Variants in ITGA4 observed in about 807,000 individuals in gnomAD.
The protein encoded by ITGA4 is integrin subunit alpha 4.
ITGA4 carries 63 observed loss-of-function variants against 133.6 expected under a neutral mutation model. The ratio of observed to expected loss-of-function variants is 0.47; its 90% CI spans 0.38 to 0.58. The LOEUF (loss-of-function observed/expected upper bound fraction) is 0.58. Among genes scored for constraint, ITGA4 ranks in the 20% least tolerant of loss-of-function variants. The probability of loss-of-function intolerance (pLI) is 0.00; values close to 1 mark genes in which losing one functional copy is unlikely to be tolerated. For missense variants in ITGA4, 1,076 were observed against 1,252.7 expected, an observed-to-expected ratio of 0.86 and a Z score of 2.13; for synonymous variants, 483 against 438.0, an observed-to-expected ratio of 1.10 and a Z score of -1.28.
chr2:181,483,503 T>C (rs989144201), intron 9 of ITGA4, among the ~76,000 whole-genome samples: 6 of 152,218 alleles, frequency 3.9e-5, no homozygotes, highest in Non-Finnish European at 5.9e-5. Context: ...GTAACTATGT[T>C]CAGTCAATGG....
rs765885636 is a variant in ITGA4 at position 181,458,317 on chromosome 2, G to C, written c.319G>C (p.Gly107Arg). The C allele has an allele frequency of 1.9e-6, 3 of 1,610,262 alleles. No homozygotes were observed. The African/African-American group carries it at 4.0e-5, about 22-fold the overall frequency. Residue 107 changes from glycine (G) to arginine (R), a missense_variant and splice_region_variant, in exon 2 of 28, where the codon GGT (glycine) becomes CGT (arginine). Gly to Arg is a moderately radical substitution (Grantham distance 125, BLOSUM62 -2). This residue lies in a region of ITGA4 where 436 missense variants were observed against 590.7 expected (regional missense o/e 0.74). Coordinates refer to ENST00000397033, the MANE Select transcript of ITGA4 (RefSeq NM_000885.6). The part of the protein sequence containing the change: ...PGQTCEQLQL[G>R]SPNGEPCGKT... ...CCAGACGTGCGAACAGCTCCAGCTG[G>C]GTGAGTTGGGTATGGGACCAGGAGT...
intron 22 of ITGA4, 64 bp downstream of exon 22, chr2:181,527,451 C>A: frequency 9.1e-7 from 1 of 1,100,738 alleles, no homozygotes; most frequent in Non-Finnish European, 1.4e-6. Context: ...ATGCATTGCT[C>A]CAAGGGACAT....
At chr2:181,517,430 C>A (rs1686628172) in intron 17 of ITGA4, among the ~76,000 whole-genome samples, 1 of 152,074 alleles carries the variant, frequency 6.6e-6, no homozygotes, top group Non-Finnish European at 1.5e-5. Flanking sequence ...TATTTTTCCT[C>A]TGTCACTTAT....
chr2:181,526,863 G>T (rs1339048389), intron 21 of ITGA4, among the ~76,000 whole-genome samples: 1 of 42,390 alleles, frequency 2.4e-5, no homozygotes, highest in Non-Finnish European at 5.2e-5. Flanking sequence ...TAAGAGTCTC[G>T]CTCTATTGCC....
In ITGA4 at chr2:181,525,237, GC is replaced by G; in HGVS notation, c.2286del (p.Ser762ArgfsTer3). On this transcript the variant is annotated frameshift_variant, in exon 21 of 28. Coordinates refer to ENST00000397033, the MANE Select transcript of ITGA4 (RefSeq NM_000885.6). LOFTEE classifies it high-confidence loss of function. ...GAGGAAATGGACAATCTAAAGCACA[GC>G]AGAGTGACTGTAGCAATACCTTTAA... ...NEEEMDNLKH[S>X]RVTVAIPLKY... 1 of 1,608,484 alleles carries G rather than the reference GC, an allele frequency of 6.2e-7. No individual in the cohort carries two copies. Among genetic ancestry groups the G allele is most frequent in the Non-Finnish European group, 8.5e-7 (1 of 1,175,322 alleles).
In ITGA4 at chr2:181,494,713, A is replaced by AT. The variant is rs1686124724; in HGVS notation, c.1249-4dup. 1.3e-6 allele frequency: 2 copies of AT among 1,515,360 alleles called. No homozygotes were observed. The highest frequency in any genetic ancestry group is 1.4e-5 in the African/African-American group (1 of 73,070). The allele number at this position is 1,515,360 out of a possible 1,614,324, so 93.9% of individuals were successfully genotyped here. ...AAACTACTTCCCACTCAACTTTCCT[A>AT]TTTTTCAGAGAATTGAAGGACTTCA... On this transcript the variant is annotated splice_polypyrimidine_tract_variant and intron_variant, in intron 11 of 27. Transcript: ENST00000397033.
chr2:181,493,367 C>T lies in ITGA4; in HGVS notation c.1196C>T (p.Ala399Val). 1 of 1,612,702 alleles carries T rather than the reference C, an allele frequency of 6.2e-7. No individual in the cohort carries two copies. Among genetic ancestry groups the T allele is most frequent in the Non-Finnish European group, 8.5e-7 (1 of 1,178,966 alleles). ...CCACAAGAAGATGACTTGCAAGGTG[C>T]TATTTATATTTACAATGGCCGTGCA... ...GAPQEDDLQGAIYIYNGRADG... is the reference protein window; with the variant it reads ...GAPQEDDLQGVIYIYNGRADG... The change falls in exon 11 of 28, where the codon GCT (alanine) becomes GTT (valine). Residue 399 changes from alanine (A) to valine (V), a missense_variant. Transcript: ENST00000397033.
intron 15 of ITGA4, 130 bp downstream of exon 15, chr2:181,498,907 T>C: frequency 7.5e-7 from 1 of 1,336,454 alleles, no homozygotes; most frequent in Non-Finnish European, 9.6e-7. Context: ...AACTATGACC[T>C]GTTGCTCCAG....
At chr2:181,521,938 G>T (rs1686728463) in intron 17 of ITGA4, among the ~76,000 whole-genome samples, 1 of 152,134 alleles carries the variant, frequency 6.6e-6, no homozygotes. Flanking sequence ...AATGAGAAAA[G>T]ATACGAGTTT....
At chr2:181,478,120 C>T (rs1404571036) in intron 4 of ITGA4, among the ~76,000 whole-genome samples, 1 of 151,884 alleles carries the variant, frequency 6.6e-6, no homozygotes, top group Non-Finnish European at 1.5e-5. Flanking sequence ...ATAAGCTAGG[C>T]CCAGAAAGAC....
At chr2:181,478,637 T>C (rs527649313) in intron 4 of ITGA4, 120 bp from the exon 5 acceptor site, 2 of 447,352 alleles carry the variant, frequency 4.5e-6, no homozygotes, top group Admixed American at 8.2e-5. Flanking sequence ...TACTGGTTTT[T>C]ATTTTTAAAA....
intron 5 of ITGA4, among the ~76,000 whole-genome samples, chr2:181,479,911 TTGAA>T (rs1232485811): frequency 1.3e-5 from 2 of 152,002 alleles, no homozygotes; most frequent in Admixed American, 6.6e-5. Context: ...GATAAATGCA[TTGAA>T]TGAGAGTTTC....
chr2:181,535,292 T>G, intron 27 of ITGA4, 140 bp from the exon 28 acceptor site: 2 of 671,212 alleles, frequency 3.0e-6, no homozygotes, highest in Non-Finnish European at 4.8e-6. Context: ...TGATTACCTC[T>G]GTTAAACCTT....
Position 181,530,636 on chromosome 2 carries a change from A to T in ITGA4, c.2651A>T (p.Asp884Val). 6.2e-7 allele frequency: 1 copy of T among 1,610,830 alleles called. No individual in the cohort carries two copies. The highest frequency in any genetic ancestry group is 1.3e-5 in the African/African-American group (1 of 74,998). Residue 884 changes from aspartate to valine, a missense_variant, in exon 24 of 28, where the codon GAT becomes GTT. By Grantham distance (152) the Asp-to-Val change is radical. Coordinates refer to ENST00000397033, the MANE Select transcript of ITGA4 (RefSeq NM_000885.6). ...ATAGTCCGGTTCTTGTCCAAGACTG[A>T]TAAGAGGCTATTGGTAAGTTTCAGT... Reference protein sequence around the residue: ...KGIVRFLSKTDKRLLYCIKAD... With the variant: ...KGIVRFLSKTVKRLLYCIKAD...
chr2:181,489,236 A>G (rs1685988806), intron 10 of ITGA4, among the ~76,000 whole-genome samples: 1 of 152,218 alleles, frequency 6.6e-6, no homozygotes, highest in Admixed American at 6.5e-5. Context: ...AACCTAAGTT[A>G]TCTTGGCATT....
intron 14 of ITGA4, 116 bp from the exon 15 acceptor site, chr2:181,498,507 G>T: frequency 1.9e-6 from 1 of 515,330 alleles, no homozygotes; most frequent in Non-Finnish European, 3.3e-6. Context: ...GTTTAATAAA[G>T]AGAATTCCAG....
At chr2:181,458,393 A>G in intron 2 of ITGA4, 76 bp downstream of exon 2, 1 of 1,539,368 alleles carries the variant, frequency 6.5e-7, no homozygotes, top group Non-Finnish European at 8.8e-7. Flanking sequence ...CAAGTCCTGG[A>G]AAGATTCACG....
rs748734825 is a variant in ITGA4 at position 181,478,868 on chromosome 2, A to G, written c.624+44A>G. 1.3e-5 allele frequency: 13 copies of G among 963,476 alleles called. No individual in the cohort carries two copies. The South Asian group carries it at 2.4e-4, about 18-fold the overall frequency. 59.7% of individuals were successfully genotyped at this position (963,476 alleles called of 1,614,324 possible). A position where few individuals can be genotyped will look rare whatever the true frequency, so the allele number is the denominator to read the frequency against. ...GCTGCTATAAATGTTTACATATAGAATCTTAATTCTTCTCATGGTTTGGAA... is the reference window on the plus strand; with the variant it reads ...GCTGCTATAAATGTTTACATATAGAGTCTTAATTCTTCTCATGGTTTGGAA... On this transcript the variant is annotated intron_variant, in intron 5 of 27. Coordinates refer to ENST00000397033, the MANE Select transcript of ITGA4 (RefSeq NM_000885.6).
intron 17 of ITGA4, among the ~76,000 whole-genome samples, chr2:181,518,460 A>G (rs1686654157): frequency 1.3e-5 from 2 of 152,104 alleles, no homozygotes; most frequent in Non-Finnish European, 2.9e-5. Context: ...CATCTGAAAT[A>G]ATGAAGCTTC....
Sources: gnomAD v4.1 joint callset for allele counts (sites outside exome capture counted in the v4.1 genomes callset) on GRCh38, gnomAD v4.1.1 for gene constraint, gnomAD v4.1.1 regional missense constraint, MANE v1.5 for transcripts, NCBI Gene and HGNC (gene_info 2026-07-23, HGNC 2026-07-21) for gene names.